The following TANC2 variants were observed in gnomAD, a reference collection of about 807,000 sequenced individuals.
TANC2 encodes tetratricopeptide repeat, ankyrin repeat and coiled-coil containing 2.
Under a neutral mutation model 210.5 loss-of-function variants are expected in TANC2, and 26 were observed. The ratio of observed to expected loss-of-function variants is 0.12; its 90% CI spans 0.09 to 0.17. The LOEUF (loss-of-function observed/expected upper bound fraction) is 0.17, where lower values mean the gene tolerates loss of function less well. TANC2 is among the 10% of genes least tolerant of loss of function. The pLI is 1.00. For missense variants in TANC2, 2,129 were observed against 2,608.9 expected (o/e 0.82, Z 4.01); for synonymous variants, 931 against 967.1 (o/e 0.96, Z 0.69).
intron 5 of TANC2, among the ~76,000 whole-genome samples, chr17:63,187,673 A>G (rs551787709): frequency 2.0e-5 from 3 of 152,292 alleles, no homozygotes; most frequent in East Asian, 1.9e-4. Context: ...AAGAAGTTCA[A>G]TGAATCCTAA....
chr17:63,336,799 C>T (rs1397454221), intron 11 of TANC2, among the ~76,000 whole-genome samples: 1 of 152,138 alleles, frequency 6.6e-6, no homozygotes, highest in African/African-American at 2.4e-5. Context: ...AAACAAGTTA[C>T]TTTGAAAGAC....
At chr17:63,294,319 A>G (rs369634853) in intron 9 of TANC2, among the ~76,000 whole-genome samples, 8 of 152,158 alleles carry the variant, frequency 5.3e-5, no homozygotes, top group African/African-American at 1.9e-4. Flanking sequence ...CTACAAAGAA[A>G]TACAAAAATT....
exon 14 of TANC2, chr17:63,355,001 G>A: frequency 6.2e-7 from 1 of 1,613,894 alleles, no homozygotes; most frequent in East Asian, 2.2e-5. Flanking sequence ...ATCTATATCT[G>A]AAACTTACAT....
intron 1 of TANC2, among the ~76,000 whole-genome samples, chr17:63,000,671 C>G (rs1273170255): frequency 1.3e-5 from 2 of 152,144 alleles, no homozygotes; most frequent in African/African-American, 4.8e-5. Flanking sequence ...AGATATTTCA[C>G]TTGCCAGGGA....
At chr17:63,353,923 G>A (rs537797493) in intron 13 of TANC2, among the ~76,000 whole-genome samples, 117 of 152,226 alleles carry the variant, frequency 7.7e-4, no homozygotes, top group African/African-American at 2.7e-3. Flanking sequence ...GGTGGTGAGG[G>A]TGCAGCCTGA....
intron 11 of TANC2, among the ~76,000 whole-genome samples, chr17:63,333,839 C>T (rs370156781): frequency 7.0e-4 from 107 of 152,206 alleles, no homozygotes; most frequent in African/African-American, 2.5e-3. Flanking sequence ...AGGGAAGACC[C>T]CCCTACACAA....
intron 15 of TANC2, among the ~76,000 whole-genome samples, chr17:63,388,240 G>A (rs1210682223): frequency 6.6e-6 from 1 of 152,146 alleles, no homozygotes; most frequent in Non-Finnish European, 1.5e-5. Context: ...GGGAAATAGA[G>A]TTTTTCCAAA....
intron 19 of TANC2, among the ~76,000 whole-genome samples, chr17:63,401,651 C>T (rs1216380281): frequency 2.6e-5 from 4 of 152,178 alleles, no homozygotes; most frequent in Non-Finnish European, 5.9e-5. Flanking sequence ...CCAGCTTTCA[C>T]TATCTGCTGA....
At chr17:63,122,892 A>T (rs1157748809) in intron 4 of TANC2, among the ~76,000 whole-genome samples, 1 of 152,222 alleles carries the variant, frequency 6.6e-6, no homozygotes, top group African/African-American at 2.4e-5. Flanking sequence ...TGGTAAAGTG[A>T]CTTAAGTAAA....
chr17:63,033,328 C>T (rs73991874), intron 2 of TANC2, among the ~76,000 whole-genome samples: 1,914 of 152,222 alleles, frequency 0.013, 41 homozygotes, highest in African/African-American at 0.044. Context: ...ATGATTGGTT[C>T]CTCTGGCAGT....
Position 63,314,700 on chromosome 17 carries a change from T to C in TANC2, c.1441+31T>C, listed in dbSNP as rs753834001. On this transcript the variant is annotated intron_variant, in intron 10 of 27. Transcript: ENST00000689528. The stretch of plus-strand genomic sequence containing the variant: ...TATTCCTTTTTAAAGAACTCCCTGT[T>C]TCATTGGCGCTGAAGTTTTTCTGAC... The C allele has an allele frequency of 5.6e-6, 9 of 1,602,828 alleles. No homozygotes were observed. The Admixed American group carries it at 1.5e-4, about 27-fold the overall frequency.
At chr17:63,356,989 T>C (rs1454304716) in intron 14 of TANC2, among the ~76,000 whole-genome samples, 1 of 152,192 alleles carries the variant, frequency 6.6e-6, no homozygotes, top group Non-Finnish European at 1.5e-5. Context: ...TCTGCTGTTA[T>C]CATTTTGGAG....
At chr17:63,006,755 T>A (rs1372689045) in intron 1 of TANC2, among the ~76,000 whole-genome samples, 1 of 152,206 alleles carries the variant, frequency 6.6e-6, no homozygotes, top group Non-Finnish European at 1.5e-5. Context: ...TCTAGTTATT[T>A]AATTGTGTAG....
chr17:63,109,901 C>T (rs2037969029), intron 4 of TANC2, among the ~76,000 whole-genome samples: 1 of 151,690 alleles, frequency 6.6e-6, no homozygotes, highest in African/African-American at 2.4e-5. Context: ...AAATTAACCT[C>T]TTCTTTCACG....
intron 2 of TANC2, among the ~76,000 whole-genome samples, chr17:63,023,163 A>G (rs1410943097): frequency 5.3e-5 from 8 of 152,224 alleles, no homozygotes; most frequent in Non-Finnish European, 1.2e-4. Flanking sequence ...CACTGGCAGC[A>G]TGCAACACTG....
At chr17:63,238,016 G>C in exon 8 of TANC2, 1 of 1,562,602 alleles carries the variant, frequency 6.4e-7, no homozygotes, top group Non-Finnish European at 8.7e-7. Context: ...TGGAAACAGT[G>C]TTATCTCAAT....
At chr17:63,084,007 A>T (rs2036870692) in intron 3 of TANC2, among the ~76,000 whole-genome samples, 1 of 152,216 alleles carries the variant, frequency 6.6e-6, no homozygotes, top group African/African-American at 2.4e-5. Flanking sequence ...AGAATAAGTT[A>T]GGAAGTAGTC....
chr17:63,421,471 AAGG>A lies in TANC2; in HGVS notation c.5745_5747del (p.Gly1916del). ...GAGCTGTCGCCAGTGTCTCCAACTC[AAGG>A]AGGTTACCCCAGTGAGCCCACCCGA... is the stretch of plus-strand genomic sequence containing the variant. On this transcript the variant is annotated inframe_deletion, in exon 28 of 28. Coordinates refer to ENST00000689528, the Ensembl canonical transcript of TANC2. This position sits in a 1 kb window ranked among gnomAD's most constrained non-coding sequence, Gnocchi z 6.9. 6.2e-7 allele frequency: 1 copy of A among 1,613,922 alleles called. No homozygotes were observed. The highest frequency in any genetic ancestry group is 1.1e-5 in the South Asian group (1 of 91,072).
chr17:63,323,128 A>G (rs1375057234), intron 11 of TANC2, among the ~76,000 whole-genome samples: 1 of 152,228 alleles, frequency 6.6e-6, no homozygotes, highest in African/African-American at 2.4e-5. Context: ...CCTATAGCAA[A>G]CCAGTAAGCA....
Sources: gnomAD v4.1 joint callset for allele counts (sites outside exome capture counted in the v4.1 genomes callset) on GRCh38, gnomAD v4.1.1 for gene constraint, Gnocchi (gnomAD v3.1) non-coding constraint, MANE v1.5 for transcripts, NCBI Gene and HGNC (gene_info 2026-07-23, HGNC 2026-07-21) for gene names.